The following ANKRD31 variants were observed in gnomAD, a reference collection of about 807,000 sequenced individuals.
ANKRD31 encodes the protein ankyrin repeat domain-containing protein 31.
Under a neutral mutation model 186.0 loss-of-function variants are expected in ANKRD31, and 147 were observed. The ratio of observed to expected loss-of-function variants is 0.79; its 90% CI spans 0.69 to 0.91. The LOEUF (loss-of-function observed/expected upper bound fraction) is 0.91. Among genes scored for constraint, ANKRD31 ranks in the 40% least tolerant of loss-of-function variants. ANKRD31 has a pLI of 0.00. For synonymous variants in ANKRD31, 673 were observed against 736.4 expected (o/e 0.91, Z 1.39); for missense variants, 1,986 against 2,148.8 (o/e 0.92, Z 1.50).
chr5:75,225,802 T>A (rs1040820718), intron 2 of ANKRD31: 1 of 157,340 alleles, frequency 6.4e-6, no homozygotes, highest in African/African-American at 2.4e-5. Context: ...AAAGGGGACT[T>A]TGTCTTACAC....
intron 15 of ANKRD31, among the ~76,000 whole-genome samples, chr5:75,142,118 T>C (rs1028456250): frequency 6.6e-6 from 1 of 152,136 alleles, no homozygotes; most frequent in Admixed American, 6.6e-5. Flanking sequence ...TTTCTCTCCA[T>C]TATGTGACCA....
At chr5:75,137,139 G>A (rs1174409000) in intron 17 of ANKRD31, among the ~76,000 whole-genome samples, 2 of 152,040 alleles carry the variant, frequency 1.3e-5, no homozygotes, top group African/African-American at 2.4e-5. Context: ...TTGTGCACAT[G>A]TACCCTAGGA....
At chr5:75,076,015 C>T (rs964461296) in intron 25 of ANKRD31, among the ~76,000 whole-genome samples, 1 of 151,852 alleles carries the variant, frequency 6.6e-6, no homozygotes, top group African/African-American at 2.4e-5. Flanking sequence ...CTCTATATCT[C>T]ATTAGGGTTA....
intron 25 of ANKRD31, among the ~76,000 whole-genome samples, chr5:75,076,405 C>A (rs147009632): frequency 1.3e-5 from 2 of 152,136 alleles, no homozygotes; most frequent in African/African-American, 2.4e-5. Flanking sequence ...ACTTTACTTC[C>A]GGTTACTGGT....
Position 75,154,349 on chromosome 5 carries a change from GA to G in ANKRD31, c.1708-5del. The G allele has an allele frequency of 1.3e-6, 2 of 1,525,006 alleles. No homozygotes were observed. The highest frequency in any genetic ancestry group is 8.8e-7 in the Non-Finnish European group (1 of 1,141,922). 94.5% of individuals were successfully genotyped at this position (1,525,006 alleles called of 1,614,324 possible). A position where few individuals can be genotyped will look rare whatever the true frequency, so the allele number is the denominator to read the frequency against. The stretch of plus-strand genomic sequence containing the variant: ...TCAGAAGAAGTAACTCTGCCACCTA[GA>G]AAAAGGTTATTTATGTAAGGGAACC... On this transcript the variant is annotated splice_polypyrimidine_tract_variant and splice_region_variant and intron_variant, in intron 11 of 25. Transcript: ENST00000506364.
chr5:75,188,859 A>T (rs1405765065), intron 9 of ANKRD31, among the ~76,000 whole-genome samples: 1 of 152,208 alleles, frequency 6.6e-6, no homozygotes, highest in Non-Finnish European at 1.5e-5. Context: ...AAAAAGAGAC[A>T]AATGCCACTA....
intron 16 of ANKRD31, 70 bp downstream of exon 16, chr5:75,138,776 C>T (rs1425229467): frequency 4.8e-6 from 7 of 1,459,232 alleles, no homozygotes; most frequent in Non-Finnish European, 6.4e-6. Context: ...TTGGAGGGGG[C>T]AGGAGGTGTT....
Position 75,168,880 on chromosome 5 carries a change from A to G in ANKRD31, c.1707+99T>C. The stretch of plus-strand genomic sequence containing the variant: ...AAGTATTCATTAGCAGAATGAAATT[A>G]AACTAAAATTTCTGTATGTTTTTCT... On this transcript the variant is annotated intron_variant, in intron 11 of 25. Coordinates refer to ENST00000506364, the MANE Select transcript of ANKRD31 (RefSeq NM_001372053.1). The G allele has an allele frequency of 4.2e-6, 5 of 1,197,550 alleles. No individual in the cohort carries two copies. In the South Asian group the frequency reaches 9.8e-5, roughly 24 times the overall value. The allele number at this position is 1,197,550 out of a possible 1,614,324, so 74.2% of individuals were successfully genotyped here.
chr5:75,085,994 C>A (rs1745454446), intron 23 of ANKRD31, among the ~76,000 whole-genome samples: 1 of 152,188 alleles, frequency 6.6e-6, no homozygotes, highest in Non-Finnish European at 1.5e-5. Flanking sequence ...ATGTGTCAAT[C>A]CCTTCTCACT....
At chr5:75,090,838 T>G (rs1315053766) in intron 23 of ANKRD31, among the ~76,000 whole-genome samples, 1 of 152,256 alleles carries the variant, frequency 6.6e-6, no homozygotes, top group South Asian at 2.1e-4. Flanking sequence ...CTTGCCCATT[T>G]CTTTTGTATT....
intron 17 of ANKRD31, among the ~76,000 whole-genome samples, chr5:75,125,454 G>A (rs529660807): frequency 6.6e-6 from 1 of 152,084 alleles, no homozygotes; most frequent in South Asian, 2.1e-4. Context: ...AGACCATCTC[G>A]AGATTAATTT....
intron 2 of ANKRD31, among the ~76,000 whole-genome samples, chr5:75,226,880 A>C (rs1424941706): frequency 6.6e-6 from 1 of 152,180 alleles, no homozygotes; most frequent in African/African-American, 2.4e-5. Flanking sequence ...CAGAAAAAGA[A>C]ATACAGCTAC....
intron 22 of ANKRD31, among the ~76,000 whole-genome samples, chr5:75,095,420 G>A (rs1746243260): frequency 6.6e-6 from 1 of 152,086 alleles, no homozygotes; most frequent in Admixed American, 6.5e-5. Flanking sequence ...CTTGCAGTGA[G>A]TGGAGATCAG....
intron 10 of ANKRD31, among the ~76,000 whole-genome samples, chr5:75,176,512 C>T (rs1753815333): frequency 6.6e-6 from 1 of 152,138 alleles, no homozygotes; most frequent in Non-Finnish European, 1.5e-5. Flanking sequence ...CCTCACATGG[C>T]CGGGTACTCC....
At chr5:75,101,289 G>T (rs1315520542) in intron 22 of ANKRD31, among the ~76,000 whole-genome samples, 4 of 152,280 alleles carry the variant, frequency 2.6e-5, no homozygotes, top group African/African-American at 9.6e-5. Context: ...TCTGCCAAGA[G>T]ATCTGCTGTT....
At chr5:75,128,208 T>C (rs1413413431) in intron 17 of ANKRD31, among the ~76,000 whole-genome samples, 3 of 147,188 alleles carry the variant, frequency 2.0e-5, no homozygotes, top group Non-Finnish European at 3.0e-5. Flanking sequence ...AGTTGAACAA[T>C]GAAAACACAT....
chr5:75,232,384 C>T (rs1758003728), intron 1 of ANKRD31, among the ~76,000 whole-genome samples: 1 of 152,144 alleles, frequency 6.6e-6, no homozygotes, highest in South Asian at 2.1e-4. Context: ...CTGCCTCAGC[C>T]TCCCAAGTAG....
intron 3 of ANKRD31, among the ~76,000 whole-genome samples, chr5:75,221,975 A>G (rs984062142): frequency 3.9e-5 from 6 of 152,182 alleles, no homozygotes; most frequent in African/African-American, 1.4e-4. Flanking sequence ...CAAAAGTTGC[A>G]TGTGGATTTT....
Position 75,188,520 on chromosome 5 carries a change from C to T in ANKRD31, c.1537G>A (p.Gly513Arg), listed in dbSNP as rs1334740844. ...GCATAACTTGGCTGATTAACATTTCCACCTTTTTTTATACAATGATGAACA... is the reference window on the plus strand; with the variant it reads ...GCATAACTTGGCTGATTAACATTTCTACCTTTTTTTATACAATGATGAACA... ...DLVHHCIKKGGNVNQPSYAGW... is the reference protein window; with the variant it reads ...DLVHHCIKKGRNVNQPSYAGW... Residue 513 changes from glycine (G) to arginine (R), a missense_variant, in exon 10 of 26, where the codon GGA (glycine) becomes AGA (arginine). Gly to Arg is a moderately radical substitution (Grantham distance 125). Coordinates refer to ENST00000506364, the MANE Select transcript of ANKRD31 (RefSeq NM_001372053.1). 8 of 1,535,598 alleles carry T rather than the reference C, an allele frequency of 5.2e-6. No homozygotes were observed. The highest frequency in any genetic ancestry group is 2.7e-5 in the African/African-American group (2 of 72,938).
Sources: gnomAD v4.1 joint callset for allele counts (sites outside exome capture counted in the v4.1 genomes callset) on GRCh38, gnomAD v4.1.1 for gene constraint, MANE v1.5 for transcripts, NCBI Gene and HGNC (gene_info 2026-07-23, HGNC 2026-07-21) for gene names.